NXPE2: variants seen among roughly 807,000 people sequenced by gnomAD.
NXPE2 encodes the protein NXPE family member 2.
Under a neutral mutation model 34.4 loss-of-function variants are expected in NXPE2, and 34 were observed. The observed-to-expected ratio is 0.99, with a 90% CI of 0.75 to 1.31. The LOEUF (loss-of-function observed/expected upper bound fraction) is 1.31, where lower values mean the gene tolerates loss of function less well. Among genes scored for constraint, NXPE2 ranks in the 40% most tolerant of loss-of-function variants. The pLI is 0.00. For missense variants in NXPE2, 649 were observed against 672.5 expected (o/e 0.97, Z 0.39); for synonymous variants, 235 against 231.3 (o/e 1.02, Z -0.15).
chr11:114,582,840 G>T, the NXPE2 span: 2 of 1,614,214 alleles, frequency 1.2e-6, no homozygotes, highest in South Asian at 1.1e-5. Flanking sequence ...GCTGGTGGTG[G>T]TGTTCACGTG....
chr11:114,669,161 T>C, the NXPE2 span, among the ~76,000 whole-genome samples: 2 of 152,028 alleles, frequency 1.3e-5, no homozygotes, highest in African/African-American at 4.8e-5. Context: ...CTCTCCCCAG[T>C]GGAACAATCA....
the NXPE2 span, chr11:114,527,730 A>G: frequency 3.1e-6 from 2 of 640,748 alleles, no homozygotes; most frequent in Non-Finnish European, 5.3e-6. Context: ...CATGATTGAC[A>G]TCATAGACAT....
At chr11:114,796,079 C>A in the NXPE2 span, among the ~76,000 whole-genome samples, 1 of 152,152 alleles carries the variant, frequency 6.6e-6, no homozygotes, top group Admixed American at 6.5e-5. Context: ...ATCTTTGATG[C>A]CTTGTTCTGT....
the NXPE2 span, among the ~76,000 whole-genome samples, chr11:114,517,567 T>C: frequency 6.6e-6 from 1 of 152,238 alleles, no homozygotes; most frequent in African/African-American, 2.4e-5. Flanking sequence ...TACACAGAGA[T>C]ACAGCATCAC....
the NXPE2 span, among the ~76,000 whole-genome samples, chr11:114,729,594 A>G: frequency 0.03 from 4,576 of 151,972 alleles, 235 homozygotes; most frequent in African/African-American, 0.1. Context: ...CTTTTTAATA[A>G]TAGTCACTCT....
At chr11:114,635,806 G>C in the NXPE2 span, among the ~76,000 whole-genome samples, 9 of 152,026 alleles carry the variant, frequency 5.9e-5, no homozygotes, top group African/African-American at 1.9e-4. Context: ...TGCATCCCAG[G>C]GATGAAGCCC....
chr11:114,577,298 A>G, the NXPE2 span, among the ~76,000 whole-genome samples: 1 of 151,586 alleles, frequency 6.6e-6, no homozygotes, highest in Admixed American at 6.6e-5. Flanking sequence ...GTAACTCAGG[A>G]ATGGAAAACC....
chr11:114,567,472 G>A, the NXPE2 span, among the ~76,000 whole-genome samples: 1 of 152,024 alleles, frequency 6.6e-6, no homozygotes, highest in African/African-American at 2.4e-5. Context: ...CAATAAGGCT[G>A]AACGGCAGCC....
At chr11:114,506,505 A>C in the NXPE2 span, among the ~76,000 whole-genome samples, 1 of 152,256 alleles carries the variant, frequency 6.6e-6, no homozygotes, top group Non-Finnish European at 1.5e-5. Context: ...CAGCAAATGC[A>C]AAAGAACTGA....
At chr11:114,542,302 A>G in the NXPE2 span, among the ~76,000 whole-genome samples, 4 of 152,236 alleles carry the variant, frequency 2.6e-5, 1 homozygote, top group Admixed American at 1.3e-4. Context: ...ACCTTTAATT[A>G]TAAGAGTCAC....
chr11:114,577,416 C>T, the NXPE2 span, among the ~76,000 whole-genome samples: 1 of 151,740 alleles, frequency 6.6e-6, no homozygotes, highest in Non-Finnish European at 1.5e-5. Context: ...TCAGCGTTGG[C>T]GAGGGATAAA....
the NXPE2 span, among the ~76,000 whole-genome samples, chr11:114,667,276 T>G: frequency 8.5e-5 from 13 of 152,092 alleles, no homozygotes; most frequent in Admixed American, 2.6e-4. Context: ...TGAGAAAGAG[T>G]AACAGAGTGA....
chr11:114,724,084 G>A, the NXPE2 span, among the ~76,000 whole-genome samples: 4 of 152,220 alleles, frequency 2.6e-5, no homozygotes, highest in African/African-American at 7.2e-5. Context: ...CTTGTTGGAC[G>A]GAATAGCAGC....
At chr11:114,625,504 C>T in the NXPE2 span, among the ~76,000 whole-genome samples, 1 of 152,182 alleles carries the variant, frequency 6.6e-6, no homozygotes, top group South Asian at 2.1e-4. Flanking sequence ...TGGGTAACCA[C>T]TGTTACCAGG....
chr11:114,798,921 C>T, the NXPE2 span, among the ~76,000 whole-genome samples: 3 of 152,134 alleles, frequency 2.0e-5, no homozygotes, highest in African/African-American at 4.8e-5. Context: ...GGTGGAGAGC[C>T]GTGAAAGCTG....
At chr11:114,580,221 A>G in the NXPE2 span, 2 of 1,614,016 alleles carry the variant, frequency 1.2e-6, no homozygotes, top group African/African-American at 1.3e-5. Context: ...GCATTCCTTC[A>G]TTTTGACTGT....
At chr11:114,474,202 C>G in the NXPE2 span, among the ~76,000 whole-genome samples, 1 of 151,978 alleles carries the variant, frequency 6.6e-6, no homozygotes, top group African/African-American at 2.4e-5. Context: ...AAAGGTCAGA[C>G]CTGGAGGTAA....
the NXPE2 span, among the ~76,000 whole-genome samples, chr11:114,556,880 T>C: frequency 5.3e-5 from 8 of 151,956 alleles, no homozygotes; most frequent in African/African-American, 1.7e-4. Flanking sequence ...TTCTATTCCA[T>C]TTTCTCCCTT....
chr11:114,763,335 T>C, the NXPE2 span, among the ~76,000 whole-genome samples: 2 of 152,188 alleles, frequency 1.3e-5, no homozygotes, highest in African/African-American at 4.8e-5. Context: ...TAACTGCTAA[T>C]TGGAGTATTT....
Sources: allele counts gnomAD v4.1 joint callset (sites outside exome capture counted in the v4.1 genomes callset), GRCh38; gene constraint gnomAD v4.1.1; transcripts MANE v1.5; gene names NCBI Gene and HGNC (gene_info 2026-07-23, HGNC 2026-07-21).